GRM5: variants seen among roughly 807,000 people sequenced by gnomAD.
The protein encoded by GRM5 is glutamate metabotropic receptor 5, also known as metabotropic glutamate receptor 5.
A neutral mutation model predicts 83.1 loss-of-function variants in GRM5; 19 were observed. That is an observed-to-expected ratio of 0.23 (90% CI 0.16 to 0.34). The LOEUF is 0.34. Among genes scored for constraint, GRM5 ranks in the 10% least tolerant of loss-of-function variants. GRM5 has a pLI of 1.00. For missense variants in GRM5, 1,160 were observed against 1,588.3 expected, an observed-to-expected ratio of 0.73 and a Z score of 4.58; for synonymous variants, 675 against 633.6, an observed-to-expected ratio of 1.07 and a Z score of -0.98.
intron 2 of GRM5, among the ~76,000 whole-genome samples, chr11:88,916,445 G>C (rs1945594084): frequency 6.6e-6 from 1 of 152,080 alleles, no homozygotes; most frequent in East Asian, 1.9e-4. Context: ...AATTCAGCCA[G>C]CCTCCAAGGA....
At chr11:88,912,813 T>TGA (rs1945521538) in intron 2 of GRM5, among the ~76,000 whole-genome samples, 1 of 152,324 alleles carries the variant, frequency 6.6e-6, no homozygotes, top group African/African-American at 2.4e-5. Flanking sequence ...TCCTTGGATG[T>TGA]GAGTTTTACT....
At chr11:88,971,125 A>C (rs549025202) in intron 2 of GRM5, among the ~76,000 whole-genome samples, 2 of 151,962 alleles carry the variant, frequency 1.3e-5, no homozygotes, top group Non-Finnish European at 2.9e-5. Flanking sequence ...ACTTATGAAT[A>C]TGGAAAGGAG....
chr11:89,022,115 T>C (rs934200583), intron 2 of GRM5, among the ~76,000 whole-genome samples: 2 of 152,150 alleles, frequency 1.3e-5, no homozygotes, highest in Non-Finnish European at 2.9e-5. Context: ...GTTATTCCAT[T>C]TACATTTTAA....
intron 2 of GRM5, among the ~76,000 whole-genome samples, chr11:88,909,115 C>T (rs1345458546): frequency 6.6e-6 from 1 of 152,042 alleles, no homozygotes; most frequent in Non-Finnish European, 1.5e-5. Context: ...AGGCAATGCC[C>T]CAACTAAAAT....
chr11:88,687,699 A>G (rs1256729768), intron 3 of GRM5, among the ~76,000 whole-genome samples: 1 of 143,748 alleles, frequency 7.0e-6, no homozygotes, highest in Non-Finnish European at 1.5e-5. Flanking sequence ...AATTTTCAAT[A>G]CTATATATAC....
At chr11:88,785,890 G>A (rs749352117) in intron 3 of GRM5, among the ~76,000 whole-genome samples, 3 of 152,112 alleles carry the variant, frequency 2.0e-5, no homozygotes, top group Non-Finnish European at 2.9e-5. Context: ...TACTTGATGT[G>A]TAAGAGCACT....
intron 1 of GRM5, among the ~76,000 whole-genome samples, chr11:89,062,269 C>T (rs1373038821): frequency 6.6e-6 from 1 of 152,156 alleles, no homozygotes; most frequent in Non-Finnish European, 1.5e-5. Flanking sequence ...TAAAGCACAC[C>T]TAACAAGAGG....
At chr11:88,791,805 C>T (rs1443315817) in intron 3 of GRM5, among the ~76,000 whole-genome samples, 1 of 152,052 alleles carries the variant, frequency 6.6e-6, no homozygotes, top group Non-Finnish European at 1.5e-5. Flanking sequence ...TGTTTGACTT[C>T]TAGTTAGAGG....
At chr11:88,842,733 A>G (rs1944225652) in intron 3 of GRM5, among the ~76,000 whole-genome samples, 1 of 152,050 alleles carries the variant, frequency 6.6e-6, no homozygotes, top group South Asian at 2.1e-4. Context: ...CCTCAAAGAT[A>G]ATTTCTTAGA....
intron 2 of GRM5, among the ~76,000 whole-genome samples, chr11:89,000,123 G>T (rs1011076109): frequency 2.0e-5 from 3 of 152,094 alleles, no homozygotes; most frequent in Non-Finnish European, 2.9e-5. Context: ...AGCATTAGGA[G>T]AGATACCTAA....
chr11:88,721,756 T>C (rs1365462794), intron 3 of GRM5, among the ~76,000 whole-genome samples: 2 of 152,124 alleles, frequency 1.3e-5, no homozygotes, highest in Non-Finnish European at 2.9e-5. Context: ...CTCTCAGTAA[T>C]GAAGTTTTTA....
intron 3 of GRM5, among the ~76,000 whole-genome samples, chr11:88,846,136 T>G (rs2135535990): frequency 6.6e-6 from 1 of 152,350 alleles, no homozygotes; most frequent in South Asian, 2.1e-4. Flanking sequence ...TATTCTCAAA[T>G]TATTCAAATA....
rs1765922150 is a variant in GRM5, at chr11:88,929,844, T to A, written c.662-79689A>T. Among the ~76,000 whole-genome samples, 4 of 152,152 alleles carry A rather than the reference T, an allele frequency of 2.6e-5. No homozygotes were observed. In the South Asian group the frequency reaches 6.2e-4, roughly 24 times the overall value. On this transcript the variant is annotated intron_variant, in intron 2 of 9. Transcript: ENST00000305447. ...CATCTGGACTGAATCACTATATGCA[T>A]AAGTGATACATGTTTTATTCTCAAA...
intron 3 of GRM5, among the ~76,000 whole-genome samples, chr11:88,841,268 C>T (rs1944195297): frequency 6.6e-6 from 1 of 152,096 alleles, no homozygotes; most frequent in African/African-American, 2.4e-5. Context: ...TGTCTTGGAA[C>T]TTGTCTGCTG....
intron 4 of GRM5, among the ~76,000 whole-genome samples, chr11:88,611,334 C>G (rs181718936): frequency 5.3e-5 from 8 of 152,262 alleles, no homozygotes; most frequent in African/African-American, 7.2e-5. Context: ...GGCTTTGATT[C>G]TATTGGGCCC....
chr11:88,606,333 G>C lies in GRM5; in HGVS notation c.1148-1369C>G, dbSNP rs184212028. Among the ~76,000 whole-genome samples, 174 of 152,270 alleles carry C rather than the reference G, an allele frequency of 1.1e-3. 1 individual carries two copies. In the Middle Eastern group the frequency reaches 0.014, roughly 12 times the overall value. On this transcript the variant is annotated intron_variant, in intron 4 of 9. Transcript: ENST00000305447. ...AGGTCAAGAGTTTAAGAACAGCCTG[G>C]CCAACAAGGTGAAACCCTGTCTCTA...
rs1447087365 is a variant in GRM5, at chr11:88,860,224, T to G, written c.662-10069A>C. Among the ~76,000 whole-genome samples, 13 of 152,292 alleles carry G rather than the reference T, an allele frequency of 8.5e-5. No individual in the cohort carries two copies. In the East Asian group the frequency reaches 2.5e-3, roughly 29 times the overall value. On this transcript the variant is annotated intron_variant, in intron 2 of 9. Transcript: ENST00000305447. ...TGGAGTCTTCCTCATTTTTTTCCTCTGGCTATTCTTCCTAGAGGAAAATAA... is the reference window on the plus strand; with the variant it reads ...TGGAGTCTTCCTCATTTTTTTCCTCGGGCTATTCTTCCTAGAGGAAAATAA...
chr11:88,788,026 C>G (rs1286323309), intron 3 of GRM5, among the ~76,000 whole-genome samples: 2 of 152,058 alleles, frequency 1.3e-5, no homozygotes, highest in Non-Finnish European at 2.9e-5. Context: ...CAGCAGTTGG[C>G]AAAATGGTTG....
rs935751645 is a variant in GRM5, at chr11:88,506,622, A to C, written c.*1970T>G. On this transcript the variant is annotated 3_prime_UTR_variant, in exon 10 of 10. Transcript: ENST00000305447. ...ATGTTATTTTCAAATCTAGCATGGG[A>C]GGTTCGATTTCTTTTAAATTAATAC... The C allele has an allele frequency of 1.3e-5, 2 of 152,178 alleles. No individual in the cohort carries two copies. The highest frequency in any genetic ancestry group is 6.5e-5 in the Admixed American group (1 of 15,276). The allele number at this position is 152,178 out of a possible 1,614,324, so 9.4% of individuals were successfully genotyped here.
Sources: gnomAD v4.1 joint callset for allele counts (sites outside exome capture counted in the v4.1 genomes callset) on GRCh38, gnomAD v4.1.1 for gene constraint, MANE v1.5 for transcripts, NCBI Gene and HGNC (gene_info 2026-07-23, HGNC 2026-07-21) for gene names.